Variants in ADAMTS6 observed in about 807,000 individuals in gnomAD.
The protein encoded by ADAMTS6 is ADAM metallopeptidase with thrombospondin type 1 motif 6.
ADAMTS6 carries 23 observed loss-of-function variants against 144.3 expected under a neutral mutation model. The observed-to-expected ratio is 0.16, with a 90% CI of 0.11 to 0.23. ADAMTS6 has a LOEUF of 0.23. ADAMTS6 is among the 10% of genes least tolerant of loss of function. ADAMTS6 has a pLI of 1.00. For missense variants in ADAMTS6, 999 were observed against 1,379.6 expected (o/e 0.72, Z 4.37); for synonymous variants, 444 against 457.5 (o/e 0.97, Z 0.38).
chr5:65,402,697 C>G (rs1384458547), intron 7 of ADAMTS6, among the ~76,000 whole-genome samples: 1 of 152,032 alleles, frequency 6.6e-6, no homozygotes, highest in Non-Finnish European at 1.5e-5. Context: ...AGGACACCCC[C>G]CCCCATATTT....
At chr5:65,321,775 G>A (rs532983194) in intron 9 of ADAMTS6, among the ~76,000 whole-genome samples, 4 of 140,506 alleles carry the variant, frequency 2.8e-5, no homozygotes, top group Non-Finnish European at 6.0e-5. Flanking sequence ...GAGTGCAATG[G>A]CACGATCTCA....
At chr5:65,296,913 A>G (rs992054817) in intron 10 of ADAMTS6, among the ~76,000 whole-genome samples, 1 of 152,178 alleles carries the variant, frequency 6.6e-6, no homozygotes, top group Non-Finnish European at 1.5e-5. Flanking sequence ...AACCTTTATG[A>G]AATTATTCTG....
rs773584382 is a variant in ADAMTS6, at chr5:65,214,755, A to G, written c.2575+39T>C. ...TAGCTCAGAATGTGTTTTGTTCTCCATCTTGCCCTCTGGGTGGGCTGCCTA... is the reference window on the plus strand; with the variant it reads ...TAGCTCAGAATGTGTTTTGTTCTCCGTCTTGCCCTCTGGGTGGGCTGCCTA... On this transcript the variant is annotated intron_variant, in intron 20 of 24. Transcript: ENST00000381055. This position sits in a 1 kb window ranked among gnomAD's most constrained non-coding sequence, Gnocchi z 4.6. The G allele has an allele frequency of 5.6e-6, 9 of 1,613,704 alleles. No individual in the cohort carries two copies. The South Asian group carries it at 7.7e-5, about 14-fold the overall frequency.
intron 24 of ADAMTS6, among the ~76,000 whole-genome samples, chr5:65,157,991 C>T (rs1352433998): frequency 1.3e-5 from 2 of 152,160 alleles, no homozygotes; most frequent in African/African-American, 4.8e-5. Context: ...TTTGCTTTCT[C>T]AAGTTTCTTT....
chr5:65,396,446 T>C (rs972435025), intron 7 of ADAMTS6, among the ~76,000 whole-genome samples: 3 of 152,226 alleles, frequency 2.0e-5, no homozygotes, highest in Non-Finnish European at 4.4e-5. Flanking sequence ...AGATATTTTC[T>C]GTCTATGGCC....
chr5:65,201,815 T>C (rs558309292), intron 20 of ADAMTS6, among the ~76,000 whole-genome samples: 1 of 152,306 alleles, frequency 6.6e-6, no homozygotes, highest in South Asian at 2.1e-4. Context: ...GTCTGGTGGC[T>C]AAGGCAACAA....
chr5:65,168,384 A>G (rs1160177175), intron 24 of ADAMTS6, among the ~76,000 whole-genome samples: 3 of 151,306 alleles, frequency 2.0e-5, no homozygotes, highest in Non-Finnish European at 4.4e-5. Flanking sequence ...GAAATAAAAG[A>G]GGATACAAAC....
At position 65,204,264 on chromosome 5, in the gene ADAMTS6, G is replaced by A. The variant is rs187582574; in HGVS notation, c.2576-7113C>T. The stretch of plus-strand genomic sequence containing the variant: ...AATTTTTGTAAAAGTAGTTATATAG[G>A]AGAAGCCATATGCTTAAGGAAAAAA... On this transcript the variant is annotated intron_variant, in intron 20 of 24. Coordinates refer to ENST00000381055, the MANE Select transcript of ADAMTS6 (RefSeq NM_197941.4). Among the ~76,000 whole-genome samples the A allele has an allele frequency of 2.9e-3, 435 of 152,208 alleles. 2 individuals carry two copies. Among genetic ancestry groups the A allele is most frequent in the African/African-American group, 9.9e-3 (411 of 41,526 alleles).
intron 11 of ADAMTS6, among the ~76,000 whole-genome samples, chr5:65,278,070 G>A (rs551877752): frequency 6.7e-6 from 1 of 148,504 alleles, no homozygotes; most frequent in Admixed American, 6.8e-5. Context: ...TTATAAGTGA[G>A]AACATACAAT....
At chr5:65,301,122 C>G (rs968210004) in intron 9 of ADAMTS6, among the ~76,000 whole-genome samples, 11 of 151,942 alleles carry the variant, frequency 7.2e-5, no homozygotes, top group African/African-American at 2.7e-4. Context: ...TATAGCCATG[C>G]TTAGTGCTAA....
intron 3 of ADAMTS6, among the ~76,000 whole-genome samples, chr5:65,462,579 G>A (rs1479701430): frequency 2.0e-5 from 3 of 152,134 alleles, no homozygotes; most frequent in Non-Finnish European, 4.4e-5. Flanking sequence ...CAATGAACTC[G>A]TGATTGACTT....
chr5:65,351,777 A>G (rs902696548), intron 7 of ADAMTS6, among the ~76,000 whole-genome samples: 1 of 152,116 alleles, frequency 6.6e-6, no homozygotes, highest in African/African-American at 2.4e-5. Flanking sequence ...CAGCTCAGGC[A>G]ACACAGAGAG....
intron 9 of ADAMTS6, among the ~76,000 whole-genome samples, chr5:65,304,184 T>C (rs1012974399): frequency 6.6e-6 from 1 of 152,208 alleles, no homozygotes. Context: ...ACTTCTGTAA[T>C]CTACATTTCA....
At chr5:65,189,157 A>G (rs992286877) in intron 21 of ADAMTS6, among the ~76,000 whole-genome samples, 1 of 152,230 alleles carries the variant, frequency 6.6e-6, no homozygotes, top group East Asian at 1.9e-4. Flanking sequence ...CATGTCTCAC[A>G]TTTGTAGGTA....
intron 12 of ADAMTS6, among the ~76,000 whole-genome samples, chr5:65,273,007 T>C (rs1199657799): frequency 3.3e-5 from 5 of 152,126 alleles, no homozygotes; most frequent in South Asian, 2.1e-4. Flanking sequence ...TCCGGGGAAT[T>C]ATTTACCAGA....
At chr5:65,193,979 GA>G (rs1482500737) in intron 21 of ADAMTS6, among the ~76,000 whole-genome samples, 1 of 151,952 alleles carries the variant, frequency 6.6e-6, no homozygotes, top group Non-Finnish European at 1.5e-5. Flanking sequence ...TGTATACATA[GA>G]AAAAATACTG....
chr5:65,226,149 C>T lies in ADAMTS6; in HGVS notation c.2004G>A (p.Ala668=), dbSNP rs375845443. Residue 668 remains alanine, a synonymous_variant, in exon 16 of 25, where the codon GCG becomes GCA. Transcript: ENST00000381055. The part of the protein sequence containing the change: ...GYNFYTERAP[A]VIDGTQCNAD... ...CATTGCACTGGGTCCCATCGATCAC[C>T]GCAGGAGCACGTTCAGTGTAGAAAT... The T allele has an allele frequency of 2.4e-5, 38 of 1,613,792 alleles. No individual in the cohort carries two copies. Among genetic ancestry groups the T allele is most frequent in the African/African-American group, 1.3e-4 (10 of 74,876 alleles).
intron 13 of ADAMTS6, among the ~76,000 whole-genome samples, chr5:65,262,134 G>A (rs992005351): frequency 6.6e-6 from 1 of 152,170 alleles, no homozygotes; most frequent in African/African-American, 2.4e-5. Flanking sequence ...TGGGCATGGA[G>A]CACTGGTAGG....
chr5:65,357,711 T>C (rs1428887991), intron 7 of ADAMTS6, among the ~76,000 whole-genome samples: 2 of 151,636 alleles, frequency 1.3e-5, no homozygotes, highest in East Asian at 3.9e-4. Flanking sequence ...TATGAAAAAT[T>C]ATATGGCAGC....
Sources: allele counts gnomAD v4.1 joint callset (sites outside exome capture counted in the v4.1 genomes callset), GRCh38; gene constraint gnomAD v4.1.1; non-coding constraint Gnocchi (gnomAD v3.1); transcripts MANE v1.5; gene names NCBI Gene and HGNC (gene_info 2026-07-23, HGNC 2026-07-21).